SVEP1: variants seen among roughly 807,000 people sequenced by gnomAD.
SVEP1 encodes the protein sushi, von Willebrand factor type A, EGF and pentraxin domain containing 1.
Under a neutral mutation model 367.3 loss-of-function variants are expected in SVEP1, and 164 were observed. The observed-to-expected ratio is 0.45, with a 90% CI of 0.39 to 0.51. SVEP1 has a LOEUF of 0.51. Ranked by LOEUF, SVEP1 falls within the 20% of genes least tolerant of loss-of-function variation. The probability of loss-of-function intolerance (pLI) is 0.00; values close to 1 mark genes in which losing one functional copy is unlikely to be tolerated. For synonymous variants in SVEP1, 1,666 were observed against 1,611.6 expected (o/e 1.03, Z -0.81); for missense variants, 4,117 against 4,425.3 (o/e 0.93, Z 1.98).
intron 3 of SVEP1, among the ~76,000 whole-genome samples, chr9:110,516,569 T>A (rs933976915): frequency 6.6e-6 from 1 of 152,148 alleles, no homozygotes; most frequent in Non-Finnish European, 1.5e-5. Flanking sequence ...TTCTATAAAA[T>A]ATCAGTAAAT....
intron 5 of SVEP1, among the ~76,000 whole-genome samples, chr9:110,506,181 G>A (rs1829624175): frequency 6.6e-6 from 1 of 152,066 alleles, no homozygotes; most frequent in Non-Finnish European, 1.5e-5. Flanking sequence ...GTATTTCATG[G>A]TGCATATGTG....
rs757172570 is a variant in SVEP1 at position 110,406,719 on chromosome 9, T to C, written c.8881A>G (p.Asn2961Asp). ...CCCCCATGAATAAAGGAAAAACCAT[T>C]AGGGAAACCATGGGCAAGATCTTCA... is the stretch of plus-strand genomic sequence containing the variant. ...PPEDLAHGFP[N>D]GFSFIHGGHI... is the part of the protein sequence containing the mutation. Residue 2961 changes from asparagine (N) to aspartate (D), a missense_variant, in exon 38 of 48, where the codon AAT (asparagine) becomes GAT (aspartate). Coordinates refer to ENST00000374469, the MANE Select transcript of SVEP1 (RefSeq NM_153366.4). 30 of 1,613,836 alleles carry C rather than the reference T, an allele frequency of 1.9e-5. No individual in the cohort carries two copies. In the South Asian group the frequency reaches 3.3e-4, roughly 18 times the overall value.
chr9:110,579,157 G>C lies in SVEP1; in HGVS notation c.387C>G (p.Ser129=). 2 of 1,562,658 alleles carry C rather than the reference G, an allele frequency of 1.3e-6. No individual in the cohort carries two copies. ...CGACGCGCGGCACCACGTAGTTCTTGGACGAGAAGGTCACGATGGCCACGC... is the reference window on the plus strand; with the variant it reads ...CGACGCGCGGCACCACGTAGTTCTTCGACGAGAAGGTCACGATGGCCACGC... ...ATRVAIVTFS[S]KNYVVPRVDY... Residue 129 remains serine (S), a synonymous_variant, in exon 1 of 48, where the codon TCC becomes TCG. Coordinates refer to ENST00000374469, the MANE Select transcript of SVEP1 (RefSeq NM_153366.4). This position sits in a 1 kb window ranked among gnomAD's most constrained non-coding sequence, Gnocchi z 5.3.
chr9:110,384,680 T>C (rs1034913527), intron 43 of SVEP1, among the ~76,000 whole-genome samples: 3 of 152,194 alleles, frequency 2.0e-5, no homozygotes, highest in African/African-American at 7.2e-5. Flanking sequence ...GCCCTCAGAC[T>C]CAGAGAAGTA....
rs1403435896 is a variant in SVEP1, at chr9:110,579,195, G to A, written c.349C>T (p.Pro117Ser). Reference sequence around the variant, plus strand: ...ACGATGGCCACGCGCGTGGCCGTGGGCACCACGGGGAAGTCGGACAGCAGC... The same window carrying A: ...ACGATGGCCACGCGCGTGGCCGTGGACACCACGGGGAAGTCGGACAGCAGC... ...RKLLSDFPVVPTATRVAIVTF... is the reference protein window; with the variant it reads ...RKLLSDFPVVSTATRVAIVTF... The change falls in exon 1 of 48, where the codon CCC (proline) becomes TCC (serine). Residue 117 changes from proline to serine, a missense_variant. Transcript: ENST00000374469. The surrounding 1 kb of genome is among the most constrained non-coding windows in gnomAD (Gnocchi z 5.3). The A allele has an allele frequency of 1.9e-6, 3 of 1,570,658 alleles. No individual in the cohort carries two copies. The highest frequency in any genetic ancestry group is 1.4e-5 in the African/African-American group (1 of 73,774).
At chr9:110,411,962 G>A (rs906464337) in intron 36 of SVEP1, among the ~76,000 whole-genome samples, 4 of 151,828 alleles carry the variant, frequency 2.6e-5, no homozygotes, top group East Asian at 3.9e-4. Flanking sequence ...TCTTCCCAAC[G>A]ACTTTATCTT....
At chr9:110,423,434 TA>T (rs1828206665) in intron 36 of SVEP1, among the ~76,000 whole-genome samples, 1 of 152,066 alleles carries the variant, frequency 6.6e-6, no homozygotes, top group Non-Finnish European at 1.5e-5. Context: ...TGACTGCAGT[TA>T]AAAAATGACT....
chr9:110,531,580 C>A (rs1246687568), intron 3 of SVEP1, among the ~76,000 whole-genome samples: 2 of 152,282 alleles, frequency 1.3e-5, no homozygotes, highest in African/African-American at 4.8e-5. Context: ...TTGTAAGTTT[C>A]CTGAGGCCTC....
At chr9:110,387,550 T>A in intron 41 of SVEP1, 92 bp from the exon 42 acceptor site, 1 of 1,314,350 alleles carries the variant, frequency 7.6e-7, no homozygotes, top group Non-Finnish European at 1.0e-6. Context: ...TCATGGAATA[T>A]ATAAAATATT....
At chr9:110,448,925 T>C (rs1828648073) in intron 24 of SVEP1, among the ~76,000 whole-genome samples, 1 of 152,170 alleles carries the variant, frequency 6.6e-6, no homozygotes, top group Non-Finnish European at 1.5e-5. Context: ...TGTGGGAGGA[T>C]GGTAATGGAA....
chr9:110,489,455 G>A (rs146927955), intron 9 of SVEP1, among the ~76,000 whole-genome samples, 195 bp downstream of exon 9: 5 of 152,166 alleles, frequency 3.3e-5, no homozygotes, highest in Non-Finnish European at 7.3e-5. Context: ...AAGAGAGCAC[G>A]TGCAGGGGAA....
intron 1 of SVEP1, among the ~76,000 whole-genome samples, chr9:110,578,215 C>A (rs1830647483): frequency 1.3e-5 from 2 of 152,138 alleles, no homozygotes; most frequent in Admixed American, 6.5e-5. Flanking sequence ...GAATAGTATG[C>A]AGCTAATGTA....
chr9:110,498,256 A>G (rs1829481211), intron 7 of SVEP1, among the ~76,000 whole-genome samples: 1 of 152,154 alleles, frequency 6.6e-6, no homozygotes, highest in Non-Finnish European at 1.5e-5. Context: ...AACACTCAGG[A>G]GTTATTTGTG....
chr9:110,519,177 G>C (rs1233265955), intron 3 of SVEP1, among the ~76,000 whole-genome samples: 1 of 152,032 alleles, frequency 6.6e-6, no homozygotes, highest in African/African-American at 2.4e-5. Context: ...GTATATTTTT[G>C]TTGTTGTTGT....
rs528125687 is a variant in SVEP1 at position 110,557,223 on chromosome 9, G to A, written c.532-7119C>T. 3.3e-5 allele frequency among the ~76,000 whole-genome samples: 5 copies of A among 152,204 alleles called. No homozygotes were observed. In the South Asian group the frequency reaches 1.0e-3, roughly 32 times the overall value. The stretch of plus-strand genomic sequence containing the variant: ...CATTTTTATCTCATCCTACTTCCAA[G>A]CTTTTCTTCTACACCACTGTTTTGG... On this transcript the variant is annotated intron_variant, in intron 1 of 47. Coordinates refer to ENST00000374469, the MANE Select transcript of SVEP1 (RefSeq NM_153366.4).
intron 1 of SVEP1, among the ~76,000 whole-genome samples, chr9:110,575,522 A>G (rs1218081732): frequency 6.6e-6 from 1 of 152,174 alleles, no homozygotes; most frequent in African/African-American, 2.4e-5. Context: ...CTGCAAAACT[A>G]TACCCTGCCT....
intron 31 of SVEP1, among the ~76,000 whole-genome samples, 159 bp downstream of exon 31, chr9:110,432,303 C>A (rs1405839041): frequency 1.3e-5 from 2 of 152,192 alleles, no homozygotes; most frequent in Non-Finnish European, 2.9e-5. Context: ...ATTTCTGGCA[C>A]CTCTACATAC....
intron 40 of SVEP1, among the ~76,000 whole-genome samples, chr9:110,393,915 G>A (rs541208742): frequency 2.0e-5 from 3 of 152,322 alleles, no homozygotes; most frequent in African/African-American, 7.2e-5. Flanking sequence ...TGCCTCTGTA[G>A]GCTCCACCTC....
intron 16 of SVEP1, among the ~76,000 whole-genome samples, chr9:110,470,206 G>A (rs1444212714): frequency 1.3e-5 from 2 of 152,166 alleles, no homozygotes; most frequent in East Asian, 3.9e-4. Context: ...TGGGGAGGGA[G>A]AATAGGGAGT....
Sources: allele counts gnomAD v4.1 joint callset (sites outside exome capture counted in the v4.1 genomes callset), GRCh38; gene constraint gnomAD v4.1.1; non-coding constraint Gnocchi (gnomAD v3.1); transcripts MANE v1.5; gene names NCBI Gene and HGNC (gene_info 2026-07-23, HGNC 2026-07-21).